PACSIN2: variants seen among roughly 807,000 people sequenced by gnomAD.
PACSIN2 encodes the protein protein kinase C and casein kinase substrate in neurons protein 2.
A neutral mutation model predicts 63.8 loss-of-function variants in PACSIN2; 25 were observed. That is an observed-to-expected ratio of 0.39 (90% CI 0.29 to 0.55). The LOEUF (loss-of-function observed/expected upper bound fraction) is 0.55, where lower values mean the gene tolerates loss of function less well. Ranked by LOEUF, PACSIN2 falls within the 20% of genes least tolerant of loss-of-function variation. PACSIN2 has a pLI of 0.62. For synonymous variants in PACSIN2, 255 were observed against 256.2 expected, an observed-to-expected ratio of 1.00 and a Z score of 0.05; for missense variants, 518 against 646.9, an observed-to-expected ratio of 0.80 and a Z score of 2.16.
At chr22:42,944,915 C>T (rs1219137154) in intron 1 of PACSIN2, among the ~76,000 whole-genome samples, 7 of 151,980 alleles carry the variant, frequency 4.6e-5, no homozygotes, top group African/African-American at 1.7e-4. Context: ...CGGGCCAACA[C>T]AGTGAAACCC....
chr22:42,873,148 C>T (rs761058924), intron 10 of PACSIN2, among the ~76,000 whole-genome samples: 3 of 152,224 alleles, frequency 2.0e-5, no homozygotes, highest in African/African-American at 7.2e-5. Context: ...TCACATTGTG[C>T]AAATGTGAAC....
Position 42,888,904 on chromosome 22 carries a change from A to C in PACSIN2, c.454-106T>G, listed in dbSNP as rs1469375880. 3 of 1,145,716 alleles carry C rather than the reference A, an allele frequency of 2.6e-6. No homozygotes were observed. The African/African-American group carries it at 4.6e-5, about 18-fold the overall frequency. 71.0% of individuals were successfully genotyped at this position (1,145,716 alleles called of 1,614,324 possible). A position where few individuals can be genotyped will look rare whatever the true frequency, so the allele number is the denominator to read the frequency against. Reference sequence around the variant, plus strand: ...GCTTGTGCTACCAAGAGGGGAGAAAAAGGCAGGTACAAAATTGTATGTATA... The same window carrying C: ...GCTTGTGCTACCAAGAGGGGAGAAACAGGCAGGTACAAAATTGTATGTATA... On this transcript the variant is annotated intron_variant, in intron 4 of 10. Coordinates refer to ENST00000263246, the MANE Select transcript of PACSIN2 (RefSeq NM_001184970.3).
intron 10 of PACSIN2, among the ~76,000 whole-genome samples, 163 bp downstream of exon 10, chr22:42,875,974 A>AGGCCT (rs1928582733): frequency 1.3e-5 from 2 of 152,270 alleles, no homozygotes; most frequent in African/African-American, 4.8e-5. Context: ...CATCCAGCCA[A>AGGCCT]TTGGCTGCTT....
chr22:42,894,700 C>T lies in PACSIN2; in HGVS notation c.61-1087G>A, dbSNP rs960620440. Among the ~76,000 whole-genome samples the T allele has an allele frequency of 5.3e-5, 8 of 152,260 alleles. No homozygotes were observed. In the East Asian group the frequency reaches 1.5e-3, roughly 29 times the overall value. ...AGAGTAACTGAGGAAATGTTAATGG[C>T]TAATTTGGGGTGAAAACGAAAATGT... On this transcript the variant is annotated intron_variant, in intron 2 of 10. Coordinates refer to ENST00000263246, the MANE Select transcript of PACSIN2 (RefSeq NM_001184970.3).
chr22:42,877,030 T>C lies in PACSIN2; in HGVS notation c.1029-20A>G. The C allele has an allele frequency of 7.4e-6, 12 of 1,613,660 alleles. No individual in the cohort carries two copies. Among genetic ancestry groups the C allele is most frequent in the Non-Finnish European group, 1.0e-5 (12 of 1,179,698 alleles). ...AGGGTGCTATGGAGAGAGAGAGCTT[T>C]CAGGGGATCCCAGCTCTGCAGGGGC... On this transcript the variant is annotated intron_variant, in intron 8 of 10. Coordinates refer to ENST00000263246, the MANE Select transcript of PACSIN2 (RefSeq NM_001184970.3).
At chr22:42,975,611 C>CTA (rs751193279) in intron 1 of PACSIN2, among the ~76,000 whole-genome samples, 1 of 139,426 alleles carries the variant, frequency 7.2e-6, no homozygotes, top group African/African-American at 2.7e-5. Context: ...TATAAGTATT[C>CTA]TTTTTTTTTT....
intron 1 of PACSIN2, among the ~76,000 whole-genome samples, chr22:42,921,323 TCGCC>T (rs1409505228): frequency 6.8e-6 from 1 of 147,862 alleles, no homozygotes; most frequent in Non-Finnish European, 1.5e-5. Flanking sequence ...TGTGTCACTG[TCGCC>T]CACCCTGGGC....
At chr22:42,930,104 C>T (rs4822231) in intron 1 of PACSIN2, among the ~76,000 whole-genome samples, 97,261 of 152,102 alleles carry the variant, frequency 0.64, 31,941 homozygotes, top group East Asian at 0.82. Flanking sequence ...TTTCTCATCG[C>T]GAACCATGAG....
rs1203986486 is a variant in PACSIN2 at position 42,870,691 on chromosome 22, A to G, written c.*666T>C. Reference sequence around the variant, plus strand: ...GGTTCTATGTAAAGCTTCCATTCAGATGCCCAAAAGCACAAAGAGCATTCC... The same window carrying G: ...GGTTCTATGTAAAGCTTCCATTCAGGTGCCCAAAAGCACAAAGAGCATTCC... On this transcript the variant is annotated 3_prime_UTR_variant, in exon 11 of 11. Transcript: ENST00000263246. 6.6e-6 allele frequency: 1 copy of G among 152,178 alleles called. No homozygotes were observed. The highest frequency in any genetic ancestry group is 1.5e-5 in the Non-Finnish European group (1 of 68,058). The allele number at this position is 152,178 out of a possible 1,614,324, so 9.4% of individuals were successfully genotyped here. A position where few individuals can be genotyped will look rare whatever the true frequency, so the allele number is the denominator to read the frequency against.
intron 1 of PACSIN2, among the ~76,000 whole-genome samples, chr22:42,972,064 G>GC (rs1555940459): frequency 6.6e-6 from 1 of 151,876 alleles, no homozygotes; most frequent in African/African-American, 2.4e-5. Context: ...TTGTCCAATG[G>GC]GGGGGGGAAA....
intron 1 of PACSIN2, among the ~76,000 whole-genome samples, chr22:42,982,876 A>AAAAAC (rs1922293529): frequency 7.6e-6 from 1 of 131,134 alleles, no homozygotes; most frequent in African/African-American, 2.9e-5. Context: ...CAATAAAAAA[A>AAAAAC]AAAAAAAAAA....
chr22:42,982,888 A>AAAAAAAAAAAAAAAAACAACAAC (rs759532303), intron 1 of PACSIN2, among the ~76,000 whole-genome samples: 1 of 105,158 alleles, frequency 9.5e-6, no homozygotes, highest in Non-Finnish European at 2.1e-5. Flanking sequence ...AAAAAAAAAA[A>AAAAAAAAAAAAAAAAACAACAAC]AACAACAACA....
At chr22:42,919,122 A>C (rs1446230062) in intron 1 of PACSIN2, among the ~76,000 whole-genome samples, 1 of 152,220 alleles carries the variant, frequency 6.6e-6, no homozygotes, top group Non-Finnish European at 1.5e-5. Context: ...TGCAAAAAAT[A>C]TGTAAAATGT....
chr22:42,891,425 A>G (rs1929906078), intron 3 of PACSIN2, among the ~76,000 whole-genome samples: 1 of 151,692 alleles, frequency 6.6e-6, no homozygotes, highest in Non-Finnish European at 1.5e-5. Flanking sequence ...TTTGGGATGG[A>G]GTTTCGCTCT....
intron 1 of PACSIN2, among the ~76,000 whole-genome samples, chr22:42,953,813 A>C (rs538418409): frequency 6.6e-6 from 1 of 152,224 alleles, no homozygotes; most frequent in Non-Finnish European, 1.5e-5. Flanking sequence ...CGATAAACAT[A>C]TATGTGCCCT....
At chr22:42,914,520 C>T (rs1387418586) in intron 1 of PACSIN2, among the ~76,000 whole-genome samples, 1 of 152,214 alleles carries the variant, frequency 6.6e-6, no homozygotes, top group African/African-American at 2.4e-5. Context: ...CAGGTGTGAG[C>T]CTTTTTTCTA....
chr22:42,882,080 A>C, intron 7 of PACSIN2, 104 bp downstream of exon 7: 1 of 1,372,588 alleles, frequency 7.3e-7, no homozygotes, highest in Non-Finnish European at 1.0e-6. Context: ...TAAACAGGGC[A>C]AACACTAACA....
At chr22:42,940,961 CAG>C (rs1164586719) in intron 1 of PACSIN2, among the ~76,000 whole-genome samples, 1 of 152,172 alleles carries the variant, frequency 6.6e-6, no homozygotes, top group Non-Finnish European at 1.5e-5. Flanking sequence ...AGTGTGTTCA[CAG>C]AGTTGTGCCA....
chr22:42,913,034 G>C (rs1931564523), intron 1 of PACSIN2, among the ~76,000 whole-genome samples: 2 of 152,188 alleles, frequency 1.3e-5, no homozygotes, highest in South Asian at 4.1e-4. Flanking sequence ...GAATCTTCAT[G>C]ATTCTCTGTG....
Sources: gnomAD v4.1 joint callset for allele counts (sites outside exome capture counted in the v4.1 genomes callset) on GRCh38, gnomAD v4.1.1 for gene constraint, MANE v1.5 for transcripts, NCBI Gene and HGNC (gene_info 2026-07-23, HGNC 2026-07-21) for gene names.